The following DLEU7 variants were observed in gnomAD, a reference collection of about 807,000 sequenced individuals.
DLEU7 encodes leukemia-associated protein 7.
A neutral mutation model predicts 16.0 loss-of-function variants in DLEU7; 17 were observed. The ratio of observed to expected loss-of-function variants is 1.06; its 90% CI spans 0.73 to 1.59. The LOEUF (loss-of-function observed/expected upper bound fraction) is 1.59. Ranked by LOEUF, DLEU7 falls within the 40% of genes most tolerant of loss-of-function variation. The probability of loss-of-function intolerance (pLI) is 0.00; values close to 1 mark genes in which losing one functional copy is unlikely to be tolerated. For synonymous variants in DLEU7, 113 were observed against 139.8 expected, an observed-to-expected ratio of 0.81 and a Z score of 1.35; for missense variants, 308 against 314.9, an observed-to-expected ratio of 0.98 and a Z score of 0.17.
intron 1 of DLEU7, among the ~76,000 whole-genome samples, chr13:50,803,611 G>A (rs1399961955): frequency 6.6e-6 from 1 of 151,754 alleles, no homozygotes; most frequent in Non-Finnish European, 1.5e-5. Context: ...ATAATATTTT[G>A]TATTGATTAC....
intron 1 of DLEU7, among the ~76,000 whole-genome samples, chr13:50,761,793 C>G (rs1189644027): frequency 6.6e-6 from 1 of 152,138 alleles, no homozygotes; most frequent in Non-Finnish European, 1.5e-5. Context: ...AAAAAGTATT[C>G]AATTATGCCT....
At chr13:50,816,229 C>A (rs887722363) in intron 1 of DLEU7, among the ~76,000 whole-genome samples, 1 of 152,086 alleles carries the variant, frequency 6.6e-6, no homozygotes, top group African/African-American at 2.4e-5. Flanking sequence ...CTCTCCCTTT[C>A]ATCCTTCAAT....
intron 1 of DLEU7, among the ~76,000 whole-genome samples, chr13:50,816,721 T>A (rs1363471092): frequency 6.6e-6 from 1 of 152,152 alleles, no homozygotes; most frequent in Non-Finnish European, 1.5e-5. Flanking sequence ...TATTTTTTCA[T>A]ATGGGCAAAT....
chr13:50,711,064 T>C (rs1873270776), downstream of DLEU7: 1 of 152,236 alleles, frequency 6.6e-6, no homozygotes, highest in Non-Finnish European at 1.5e-5. Context: ...TATATATTTT[T>C]AAATTTCCAT....
intron 1 of DLEU7, among the ~76,000 whole-genome samples, chr13:50,778,897 T>G (rs532660465): frequency 6.6e-6 from 1 of 152,370 alleles, no homozygotes; most frequent in East Asian, 1.9e-4. Flanking sequence ...AGCTTCAAAA[T>G]GTAGCACTTA....
At chr13:50,751,973 T>C (rs1041486559) in intron 1 of DLEU7, among the ~76,000 whole-genome samples, 3 of 152,092 alleles carry the variant, frequency 2.0e-5, no homozygotes, top group Admixed American at 6.5e-5. Context: ...TCCTTTCTTC[T>C]GCTGCATTTT....
intron 1 of DLEU7, 149 bp from the exon 2 acceptor site, chr13:50,823,669 C>G: frequency 1.0e-6 from 1 of 969,454 alleles, no homozygotes; most frequent in Admixed American, 2.7e-5. Flanking sequence ...CATTCTTAGC[C>G]TATGCAGTTG....
chr13:50,791,133 T>C (rs1875944960), intron 1 of DLEU7, among the ~76,000 whole-genome samples: 1 of 152,182 alleles, frequency 6.6e-6, no homozygotes, highest in Non-Finnish European at 1.5e-5. Context: ...CCTGTGGGCC[T>C]GTTAATCACA....
intron 1 of DLEU7, among the ~76,000 whole-genome samples, chr13:50,842,464 C>T (rs892140438): frequency 9.9e-5 from 15 of 152,194 alleles, no homozygotes; most frequent in African/African-American, 2.4e-4. Flanking sequence ...CCCAGATTTC[C>T]GCAATCTCAC....
intron 1 of DLEU7, among the ~76,000 whole-genome samples, chr13:50,773,097 G>C (rs1219630504): frequency 6.6e-6 from 1 of 152,146 alleles, no homozygotes; most frequent in Non-Finnish European, 1.5e-5. Context: ...TAGTTCTCGT[G>C]CCGTGGTTTT....
Position 50,782,372 on chromosome 13 carries a change from A to G in DLEU7, c.459+60816T>C, listed in dbSNP as rs867828175. ...TTCCCAGCCTCTGTGCCATCCTCCA[A>G]TATAGCTCTTTTCTCAGCATCTAAG... On this transcript the variant is annotated intron_variant, in intron 1 of 1. Coordinates refer to the DLEU7 transcript ENST00000400393. Among the ~76,000 whole-genome samples the G allele has an allele frequency of 2.5e-4, 38 of 152,188 alleles. No homozygotes were observed. In the Middle Eastern group the frequency reaches 0.01, roughly 41 times the overall value.
chr13:50,745,819 C>G (rs1370460974), intron 1 of DLEU7, among the ~76,000 whole-genome samples: 1 of 151,818 alleles, frequency 6.6e-6, no homozygotes, highest in African/African-American at 2.4e-5. Flanking sequence ...TTCTTTCAGT[C>G]TATTTAATAG....
chr13:50,819,855 T>C (rs1475040899), downstream of DLEU7, among the ~76,000 whole-genome samples: 1 of 152,180 alleles, frequency 6.6e-6, no homozygotes, highest in Non-Finnish European at 1.5e-5. Flanking sequence ...AAGACATACA[T>C]TGGGCATCAT....
Position 50,843,398 on chromosome 13 carries a change from C to A in DLEU7, c.249G>T (p.Ala83=). 3.0e-6 allele frequency: 4 copies of A among 1,328,348 alleles called. No homozygotes were observed. The highest frequency in any genetic ancestry group is 1.5e-5 in the African/African-American group (1 of 64,902). The allele number at this position is 1,328,348 out of a possible 1,614,324, so 82.3% of individuals were successfully genotyped here. ...GCACTACCTCCTCCTCTGGGGAGTT[C>A]GCCCGCGCCGCGGTCCGCCGACTCC... The part of the protein sequence containing the change: ...GTRSRRTAAR[A]NSPEEEVVRG... Residue 83 remains alanine, a synonymous_variant, in exon 1 of 2, where the codon GCG becomes GCT. Transcript: ENST00000504404. The surrounding 1 kb of genome is among the most constrained non-coding windows in gnomAD (Gnocchi z 5.7).
chr13:50,803,207 C>G (rs75706650), intron 1 of DLEU7, among the ~76,000 whole-genome samples: 1 of 152,110 alleles, frequency 6.6e-6, no homozygotes, highest in African/African-American at 2.4e-5. Flanking sequence ...TAAGATTGTA[C>G]GAATTTATAC....
At chr13:50,735,612 T>A (rs1392084111) in intron 1 of DLEU7, among the ~76,000 whole-genome samples, 1 of 151,798 alleles carries the variant, frequency 6.6e-6, no homozygotes, top group East Asian at 1.9e-4. Context: ...AAACTATGCA[T>A]CTAACAAAAT....
chr13:50,806,193 A>G (rs550607231), intron 1 of DLEU7, among the ~76,000 whole-genome samples: 3 of 152,274 alleles, frequency 2.0e-5, no homozygotes, highest in African/African-American at 7.2e-5. Flanking sequence ...GCTTTGCATT[A>G]CTGTTTTTCT....
At chr13:50,771,574 T>C in intron 1 of DLEU7, among the ~76,000 whole-genome samples, 1 of 152,232 alleles carries the variant, frequency 6.6e-6, no homozygotes, top group Admixed American at 6.5e-5. Context: ...TTGTGCAGTT[T>C]TGAGTGAGTT....
At chr13:50,836,809 G>A (rs1877483467) in intron 1 of DLEU7, among the ~76,000 whole-genome samples, 1 of 152,232 alleles carries the variant, frequency 6.6e-6, no homozygotes, top group Non-Finnish European at 1.5e-5. Context: ...GCAGTCCAGT[G>A]CTGGGCCCAA....
Sources: allele counts gnomAD v4.1 joint callset (sites outside exome capture counted in the v4.1 genomes callset), GRCh38; gene constraint gnomAD v4.1.1; non-coding constraint Gnocchi (gnomAD v3.1); transcripts MANE v1.5; gene names NCBI Gene and HGNC (gene_info 2026-07-23, HGNC 2026-07-21).